EVI5: variants seen among roughly 807,000 people sequenced by gnomAD.
The protein encoded by EVI5 is ecotropic viral integration site 5.
Under a neutral mutation model 112.0 loss-of-function variants are expected in EVI5, and 73 were observed. The ratio of observed to expected loss-of-function variants is 0.65; its 90% confidence interval spans 0.54 to 0.79. The LOEUF (loss-of-function observed/expected upper bound fraction) is 0.79, where lower values mean the gene tolerates loss of function less well. EVI5 is among the 30% of genes least tolerant of loss of function. EVI5 has a pLI of 0.00. For missense variants in EVI5, 900 were observed against 968.8 expected, an observed-to-expected ratio of 0.93 and a Z score of 0.94; for synonymous variants, 305 against 319.9, an observed-to-expected ratio of 0.95 and a Z score of 0.50.
chr1:92,687,001 G>A (rs1291284799), intron 9 of EVI5, among the ~76,000 whole-genome samples: 1 of 152,100 alleles, frequency 6.6e-6, no homozygotes, highest in South Asian at 2.1e-4. Context: ...TCCCCATCAA[G>A]CTACCACTGG....
intron 18 of EVI5, among the ~76,000 whole-genome samples, chr1:92,600,553 CTAGTGACAGATTTCG>C (rs1309946362): frequency 6.6e-6 from 1 of 152,152 alleles, no homozygotes; most frequent in East Asian, 1.9e-4. Context: ...CTTTTTGGTA[CTAGTGACAGATTTCG>C]TAGTCCATAG....
rs191382759 is a variant in EVI5, at chr1:92,550,226, T to G, written c.2166+13416A>C. ...CACGGATGAAGCTGGAAACCATCAT[T>G]CTGAGCAAATTATTGCAAGGACAAA... is the stretch of plus-strand genomic sequence containing the variant. On this transcript the variant is annotated intron_variant, in intron 19 of 19. Coordinates refer to ENST00000684568, the MANE Select transcript of EVI5 (RefSeq NM_001350197.2). 1.5e-3 allele frequency among the ~76,000 whole-genome samples: 221 copies of G among 151,750 alleles called. 3 individuals carry two copies. Among genetic ancestry groups the G allele is most frequent in the African/African-American group, 5.2e-3 (214 of 41,344 alleles).
intron 16 of EVI5, among the ~76,000 whole-genome samples, chr1:92,620,126 C>G (rs535100332): frequency 2.9e-4 from 44 of 152,166 alleles, no homozygotes; most frequent in African/African-American, 1.0e-3. Flanking sequence ...GGGCGGATCA[C>G]CTGAAGTCGG....
At chr1:92,579,344 TAA>T (rs1671577824) in intron 18 of EVI5, among the ~76,000 whole-genome samples, 2 of 152,116 alleles carry the variant, frequency 1.3e-5, no homozygotes, top group Admixed American at 1.3e-4. Flanking sequence ...TCAAATTTAA[TAA>T]GAGAGCCAAT....
chr1:92,667,961 A>G (rs558116333), intron 10 of EVI5, among the ~76,000 whole-genome samples: 11 of 152,130 alleles, frequency 7.2e-5, no homozygotes, highest in Non-Finnish European at 1.2e-4. Context: ...CCAGAACTCA[A>G]TCAAGGGCCT....
At chr1:92,647,024 GATGAAC>G (rs1244507604) in intron 13 of EVI5, 1 of 215,990 alleles carries the variant, frequency 4.6e-6, no homozygotes, top group Non-Finnish European at 9.9e-6. Flanking sequence ...CAAGGAGACA[GATGAAC>G]AGTTTTTTAT....
At chr1:92,694,148 G>A (rs1669931335) in intron 8 of EVI5, 151 bp downstream of exon 8, 2 of 610,144 alleles carry the variant, frequency 3.3e-6, no homozygotes, top group Non-Finnish European at 5.8e-6. Context: ...TGTAATTCCA[G>A]CTACACAGAA....
At chr1:92,572,055 C>A (rs535034921) in intron 18 of EVI5, among the ~76,000 whole-genome samples, 1 of 152,094 alleles carries the variant, frequency 6.6e-6, no homozygotes, top group African/African-American at 2.4e-5. Flanking sequence ...ATGCATATTT[C>A]ACTCTTGGTT....
chr1:92,740,947 GC>G (rs1678282623), intron 1 of EVI5, among the ~76,000 whole-genome samples: 1 of 152,056 alleles, frequency 6.6e-6, no homozygotes, highest in Non-Finnish European at 1.5e-5. Flanking sequence ...CCAGCCTTCT[GC>G]GCTACCTAAA....
intron 1 of EVI5, among the ~76,000 whole-genome samples, chr1:92,781,477 C>T (rs551726138): frequency 1.3e-4 from 19 of 150,428 alleles, no homozygotes; most frequent in African/African-American, 4.7e-4. Context: ...TGCACCACTG[C>T]ACTTCAGACC....
chr1:92,783,483 TAAAAAAAAA>T (rs774619273), intron 1 of EVI5, among the ~76,000 whole-genome samples: 1 of 24,272 alleles, frequency 4.1e-5, no homozygotes, highest in Non-Finnish European at 7.4e-5. Context: ...GACTCAGCCT[TAAAAAAAAA>T]AAAAAAAAAA....
At chr1:92,781,232 T>C (rs938134980) in intron 1 of EVI5, among the ~76,000 whole-genome samples, 2 of 151,962 alleles carry the variant, frequency 1.3e-5, no homozygotes, top group African/African-American at 4.8e-5. Flanking sequence ...AGGGGATGGG[T>C]ACAGTGGCTC....
At chr1:92,514,105 T>C in intron 19 of EVI5, 135 bp from the exon 20 acceptor site, 1 of 493,612 alleles carries the variant, frequency 2.0e-6, no homozygotes, top group Non-Finnish European at 3.4e-6. Flanking sequence ...GTTACTAATT[T>C]TTGAGTGCCT....
intron 16 of EVI5, among the ~76,000 whole-genome samples, chr1:92,617,634 T>C (rs1046193441): frequency 1.3e-5 from 2 of 152,220 alleles, no homozygotes; most frequent in Non-Finnish European, 1.5e-5. Flanking sequence ...TCACCAAGGC[T>C]GACCTGGCTA....
At position 92,736,608 on chromosome 1, in the gene EVI5, G is replaced by A. The variant is rs200960548; in HGVS notation, c.-62C>T. ...TGAGAGAGTAGAGCTCAGCTTTTCT[G>A]CAACTTTGTCTGTCGCCACCTAAGG... On this transcript the variant is annotated 5_prime_UTR_variant, in exon 2 of 20. Transcript: ENST00000684568. The A allele has an allele frequency of 6.8e-6, 11 of 1,613,618 alleles. No individual in the cohort carries two copies. The highest frequency in any genetic ancestry group is 9.3e-6 in the Non-Finnish European group (11 of 1,179,650).
intron 1 of EVI5, among the ~76,000 whole-genome samples, chr1:92,739,714 C>G (rs577102859): frequency 6.6e-6 from 1 of 151,944 alleles, no homozygotes. Flanking sequence ...TAAAAGGATG[C>G]TCTTAACTTC....
At chr1:92,758,114 A>G (rs1681235242) in intron 1 of EVI5, among the ~76,000 whole-genome samples, 1 of 152,172 alleles carries the variant, frequency 6.6e-6, no homozygotes, top group African/African-American at 2.4e-5. Flanking sequence ...ATACAATATA[A>G]TACCATATTT....
At chr1:92,651,679 G>A (rs975792665) in intron 13 of EVI5, among the ~76,000 whole-genome samples, 20 of 134,266 alleles carry the variant, frequency 1.5e-4, no homozygotes, top group African/African-American at 5.5e-4. Context: ...GTGAAACCCC[G>A]TCTCTATTAA....
In EVI5 at chr1:92,694,211, G is replaced by GCCAA. The variant is rs899284724; in HGVS notation, c.999+84_999+87dup. On this transcript the variant is annotated intron_variant, in intron 8 of 19. Transcript: ENST00000684568. ...ACCTGGGAGGCAGAGGTTGCAGTGA[G>GCCAA]CCAAGATCACGCCACTGCACTCCAG... The GCCAA allele has an allele frequency of 6.7e-6, 5 of 746,780 alleles. No homozygotes were observed. The African/African-American group carries it at 9.0e-5, about 13-fold the overall frequency. 46.3% of individuals were successfully genotyped at this position (746,780 alleles called of 1,614,324 possible).
Sources: allele counts gnomAD v4.1 joint callset (sites outside exome capture counted in the v4.1 genomes callset), GRCh38; gene constraint gnomAD v4.1.1; transcripts MANE v1.5; gene names NCBI Gene and HGNC (gene_info 2026-07-23, HGNC 2026-07-21).